DOK6: variants seen among roughly 807,000 people sequenced by gnomAD.
DOK6 encodes the protein docking protein 6.
DOK6 carries 22 observed loss-of-function variants against 44.0 expected under a neutral mutation model. The ratio of observed to expected loss-of-function variants is 0.50; its 90% CI spans 0.36 to 0.71. The LOEUF (loss-of-function observed/expected upper bound fraction) is 0.71. Among genes scored for constraint, DOK6 ranks in the 30% least tolerant of loss-of-function variants. The pLI is 0.00. For synonymous variants in DOK6, 166 were observed against 145.5 expected, an observed-to-expected ratio of 1.14 and a Z score of -1.01; for missense variants, 340 against 416.4, an observed-to-expected ratio of 0.82 and a Z score of 1.60.
chr18:69,601,936 AAAAT>A (rs1983883429), intron 3 of DOK6, among the ~76,000 whole-genome samples: 1 of 152,240 alleles, frequency 6.6e-6, no homozygotes, highest in African/African-American at 2.4e-5. Context: ...TTTGAATACT[AAAAT>A]AAAGTAGCTA....
intron 3 of DOK6, among the ~76,000 whole-genome samples, chr18:69,631,784 A>G (rs1032359333): frequency 1.8e-4 from 27 of 152,226 alleles, no homozygotes; most frequent in African/African-American, 6.5e-4. Flanking sequence ...GGACATGTGT[A>G]CATCCATTAG....
chr18:69,644,730 A>G (rs1039177894), intron 3 of DOK6, among the ~76,000 whole-genome samples: 3 of 152,184 alleles, frequency 2.0e-5, no homozygotes, highest in African/African-American at 7.2e-5. Flanking sequence ...TGTTTTAGCT[A>G]TTCAAGACCT....
rs372072838 is a variant in DOK6 at position 69,466,705 on chromosome 18, G to A, written c.66+65395G>A. The stretch of plus-strand genomic sequence containing the variant: ...AGGGAGAATCTCTAACTTATTCATT[G>A]ATCAGTTAACAATGTGTGTGATATA... On this transcript the variant is annotated intron_variant, in intron 1 of 7. Transcript: ENST00000382713. 2.8e-4 allele frequency among the ~76,000 whole-genome samples: 43 copies of A among 151,636 alleles called. No homozygotes were observed. In the East Asian group the frequency reaches 7.8e-3, roughly 28 times the overall value.
intron 5 of DOK6, among the ~76,000 whole-genome samples, chr18:69,735,375 C>A (rs373261565): frequency 2.2e-4 from 34 of 152,194 alleles, no homozygotes; most frequent in African/African-American, 7.9e-4. Context: ...AGAAGACTCA[C>A]AAGACTCAGA....
chr18:69,470,042 A>AG, intron 1 of DOK6: 1 of 163,018 alleles, frequency 6.1e-6, no homozygotes. Flanking sequence ...ACCCATCTCC[A>AG]GGGGAAATTG....
chr18:69,498,445 T>C (rs190508665), intron 1 of DOK6, among the ~76,000 whole-genome samples: 2,723 of 152,264 alleles, frequency 0.018, 63 homozygotes, highest in Admixed American at 0.075. Context: ...ATTCTTATTT[T>C]TTATGCAAAT....
chr18:69,456,181 G>A (rs921281029), intron 1 of DOK6, among the ~76,000 whole-genome samples: 5 of 152,100 alleles, frequency 3.3e-5, no homozygotes, highest in Admixed American at 1.3e-4. Flanking sequence ...CAAAAATTAA[G>A]CCTTTTTTTC....
At chr18:69,496,978 G>T (rs1980908941) in intron 1 of DOK6, among the ~76,000 whole-genome samples, 1 of 152,158 alleles carries the variant, frequency 6.6e-6, no homozygotes, top group African/African-American at 2.4e-5. Flanking sequence ...TAACACTGTT[G>T]CATTAGAATG....
chr18:69,644,943 A>C (rs1042685534), intron 3 of DOK6, among the ~76,000 whole-genome samples: 1 of 152,196 alleles, frequency 6.6e-6, no homozygotes, highest in Non-Finnish European at 1.5e-5. Flanking sequence ...AAGGACCAAT[A>C]TTAAAATAGA....
intron 3 of DOK6, among the ~76,000 whole-genome samples, chr18:69,617,450 G>GAGGA (rs934956627): frequency 1.4e-5 from 2 of 147,222 alleles, no homozygotes; most frequent in African/African-American, 2.5e-5. Context: ...GGGAGAGAGG[G>GAGGA]AGGAAGGAAG....
chr18:69,754,915 A>C (rs913303865), intron 6 of DOK6, among the ~76,000 whole-genome samples: 18 of 152,200 alleles, frequency 1.2e-4, no homozygotes, highest in African/African-American at 3.4e-4. Context: ...CTCAATACAT[A>C]GGTACACATG....
At chr18:69,578,522 CGG>C (rs1568301850) in intron 2 of DOK6, among the ~76,000 whole-genome samples, 2 of 152,108 alleles carry the variant, frequency 1.3e-5, no homozygotes, top group Non-Finnish European at 2.9e-5. Flanking sequence ...AAAGAATGTT[CGG>C]TACTGCAACA....
intron 7 of DOK6, among the ~76,000 whole-genome samples, chr18:69,809,493 A>G (rs1249082544): frequency 1.3e-5 from 2 of 151,586 alleles, no homozygotes; most frequent in Non-Finnish European, 3.0e-5. Flanking sequence ...TTGAAAAGGA[A>G]GAAGTTAAAT....
At chr18:69,811,524 T>TTATATATA (rs57486782) in intron 7 of DOK6, among the ~76,000 whole-genome samples, 20 of 93,730 alleles carry the variant, frequency 2.1e-4, no homozygotes, top group South Asian at 3.8e-4. Context: ...AACCATTCCA[T>TTATATATA]TATATATATA....
At chr18:69,594,387 C>T (rs956788037) in intron 2 of DOK6, among the ~76,000 whole-genome samples, 4 of 151,376 alleles carry the variant, frequency 2.6e-5, no homozygotes, top group East Asian at 1.9e-4. Flanking sequence ...TTAAAATCAC[C>T]CATATTACAT....
chr18:69,552,877 A>ATG (rs1982599191), intron 1 of DOK6, among the ~76,000 whole-genome samples: 1 of 152,222 alleles, frequency 6.6e-6, no homozygotes, highest in African/African-American at 2.4e-5. Context: ...CATAGAGAAA[A>ATG]TGTGTGTGTG....
intron 1 of DOK6, 83 bp downstream of exon 1, chr18:69,401,393 C>A (rs1232800077): frequency 6.5e-6 from 9 of 1,384,198 alleles, no homozygotes; most frequent in Non-Finnish European, 8.6e-6. Flanking sequence ...GGAGAGGTGA[C>A]CCGTGCGGGT....
chr18:69,802,638 A>C (rs1980936028), intron 7 of DOK6, among the ~76,000 whole-genome samples: 1 of 152,096 alleles, frequency 6.6e-6, no homozygotes, highest in African/African-American at 2.4e-5. Flanking sequence ...TCTCACTCTG[A>C]GTTCACACGA....
intron 1 of DOK6, among the ~76,000 whole-genome samples, chr18:69,455,239 G>T (rs930372603): frequency 1.3e-5 from 2 of 149,248 alleles, no homozygotes; most frequent in Non-Finnish European, 3.0e-5. Context: ...ATGTGTAAAA[G>T]CACAGAACAT....
Sources: gnomAD v4.1 joint callset for allele counts (sites outside exome capture counted in the v4.1 genomes callset) on GRCh38, gnomAD v4.1.1 for gene constraint, MANE v1.5 for transcripts, NCBI Gene and HGNC (gene_info 2026-07-23, HGNC 2026-07-21) for gene names.